Variants in KLHL14 observed in about 807,000 individuals in gnomAD.
KLHL14 encodes kelch like family member 14.
Under a neutral mutation model 64.3 loss-of-function variants are expected in KLHL14, and 22 were observed. The ratio of observed to expected loss-of-function variants is 0.34; its 90% CI spans 0.24 to 0.49. The LOEUF (loss-of-function observed/expected upper bound fraction) is 0.49, where lower values mean the gene tolerates loss of function less well. Among genes scored for constraint, KLHL14 ranks in the 20% least tolerant of loss-of-function variants. The pLI is 0.99. For synonymous variants in KLHL14, 322 were observed against 333.4 expected, an observed-to-expected ratio of 0.97 and a Z score of 0.37; for missense variants, 661 against 789.0, an observed-to-expected ratio of 0.84 and a Z score of 1.94.
chr18:32,677,215 A>C lies in KLHL14; in HGVS notation c.1704T>G (p.Leu568=), dbSNP rs764195137. The part of the protein sequence containing the change: ...EGRSGPGCAV[L]DDSIYLVGGY... ...CTCCCACAAGGTAAATGCTGTCATC[A>C]AGCACTGCACAGCCAGGGCCACTTC... Residue 568 remains leucine (L), a synonymous_variant, in exon 8 of 9, where the codon CTT becomes CTG. Coordinates refer to ENST00000359358, the MANE Select transcript of KLHL14 (RefSeq NM_020805.3). 2 of 1,613,552 alleles carry C rather than the reference A, an allele frequency of 1.2e-6. No individual in the cohort carries two copies.
At chr18:32,760,486 G>T (rs1483688138) in intron 2 of KLHL14, among the ~76,000 whole-genome samples, 1 of 151,862 alleles carries the variant, frequency 6.6e-6, no homozygotes, top group Non-Finnish European at 1.5e-5. Flanking sequence ...CATTTCACTG[G>T]CCTCGCCTGT....
chr18:32,751,954 C>T (rs976113243), intron 2 of KLHL14, among the ~76,000 whole-genome samples: 51 of 152,216 alleles, frequency 3.4e-4, no homozygotes, highest in African/African-American at 1.1e-3. Flanking sequence ...TGGTGAAACC[C>T]CATCTCTACT....
chr18:32,769,967 G>C lies in KLHL14; in HGVS notation c.625C>G (p.Leu209Val), dbSNP rs765436121. 10 of 1,614,230 alleles carry C rather than the reference G, an allele frequency of 6.2e-6. No homozygotes were observed. Among genetic ancestry groups the C allele is most frequent in the South Asian group, 1.1e-5 (1 of 91,080 alleles). Residue 209 changes from leucine (L) to valine (V), a missense_variant, in exon 2 of 9, where the codon CTG becomes GTG. Physicochemically the swap from Leu to Val is conservative, Grantham distance 32. Coordinates refer to ENST00000359358, the MANE Select transcript of KLHL14 (RefSeq NM_020805.3). ...EETKKLANKYLVEDVLLLNFE... is the reference protein window; with the variant it reads ...EETKKLANKYVVEDVLLLNFE... ...TTGAGCAGCAGCACATCCTCCACCA[G>C]GTACTTGTTGGCCAGCTTCTTGGTC...
In KLHL14 at chr18:32,770,133, C is replaced by G. The variant is rs763320638; in HGVS notation, c.459G>C (p.Thr153=). 3 of 1,614,184 alleles carry G rather than the reference C, an allele frequency of 1.9e-6. No individual in the cohort carries two copies. Among genetic ancestry groups the G allele is most frequent in the Non-Finnish European group, 2.5e-6 (3 of 1,180,038 alleles). ...TGCTGACCGACAGCACCTCCTCCAC[C>G]GTGTCCAGGGACAGGGTCACGTTGG... The part of the protein sequence containing the change: ...YTANVTLSLD[T]VEEVLSVSKI... Residue 153 remains threonine (T), a synonymous_variant, in exon 2 of 9, where the codon ACG becomes ACC. Transcript: ENST00000359358. The surrounding 1 kb of genome is among the most constrained non-coding windows in gnomAD (Gnocchi z 6.7).
intron 3 of KLHL14, among the ~76,000 whole-genome samples, chr18:32,713,144 T>C (rs2050028585): frequency 6.6e-6 from 1 of 152,236 alleles, no homozygotes; most frequent in East Asian, 1.9e-4. Flanking sequence ...GTTGAATAGT[T>C]GGAGCAGAGA....
chr18:32,695,615 C>T, intron 3 of KLHL14, 63 bp from the exon 4 acceptor site: 1 of 1,003,420 alleles, frequency 1.0e-6, no homozygotes, highest in Non-Finnish European at 1.5e-6. Flanking sequence ...GCTACCTTGG[C>T]TCACTGGCTA....
chr18:32,677,087 T>C (rs528556310), intron 8 of KLHL14, 86 bp downstream of exon 8: 3 of 1,356,996 alleles, frequency 2.2e-6, no homozygotes, highest in East Asian at 4.6e-5. Context: ...AAAAGGTACA[T>C]GTGTGGAGGA....
chr18:32,735,396 G>A lies in KLHL14; in HGVS notation c.1069+6532C>T, dbSNP rs79499441. Among the ~76,000 whole-genome samples the A allele has an allele frequency of 3.2e-3, 484 of 152,156 alleles. 26 individuals are homozygous for A. In the East Asian group the frequency reaches 0.079, roughly 25 times the overall value. On this transcript the variant is annotated intron_variant, in intron 3 of 8. Transcript: ENST00000359358. Reference sequence around the variant, plus strand: ...AAGTAAAAGCCAAAATGAAAAAATTGTGAGCCTGCCATTGAAGTTCCTGTA... The same window carrying A: ...AAGTAAAAGCCAAAATGAAAAAATTATGAGCCTGCCATTGAAGTTCCTGTA...
chr18:32,739,796 C>A (rs1243607510), intron 3 of KLHL14, among the ~76,000 whole-genome samples: 1 of 152,066 alleles, frequency 6.6e-6, no homozygotes, highest in East Asian at 1.9e-4. Flanking sequence ...ATGCTCCCTA[C>A]TCTCGGGCAG....
chr18:32,756,476 C>T (rs559698540), intron 2 of KLHL14, among the ~76,000 whole-genome samples: 43 of 151,992 alleles, frequency 2.8e-4, no homozygotes, highest in Non-Finnish European at 2.9e-5. Flanking sequence ...GAGATTATTC[C>T]TTCTCTTAAT....
chr18:32,741,914 A>G lies in KLHL14; in HGVS notation c.1069+14T>C, dbSNP rs1349869705. The G allele has an allele frequency of 7.7e-6, 12 of 1,560,744 alleles. No individual in the cohort carries two copies. Among genetic ancestry groups the G allele is most frequent in the Non-Finnish European group, 1.0e-5 (12 of 1,159,320 alleles). On this transcript the variant is annotated intron_variant, in intron 3 of 8. Coordinates refer to ENST00000359358, the MANE Select transcript of KLHL14 (RefSeq NM_020805.3). The stretch of plus-strand genomic sequence containing the variant: ...AAATAGGTGAGTGAATAAATAAATA[A>G]ATAATGCACTCACTTGTGAGTATTT...
intron 8 of KLHL14, among the ~76,000 whole-genome samples, chr18:32,676,450 T>A (rs193028394): frequency 8.3e-4 from 127 of 152,328 alleles, no homozygotes; most frequent in Non-Finnish European, 1.5e-3. Flanking sequence ...ACATCTTTTT[T>A]AAAAGTCAAT....
intron 4 of KLHL14, among the ~76,000 whole-genome samples, chr18:32,690,255 C>G (rs1424773401): frequency 6.6e-6 from 1 of 152,118 alleles, no homozygotes; most frequent in Non-Finnish European, 1.5e-5. Flanking sequence ...CATAAAGAGG[C>G]AGCAAACGGT....
chr18:32,720,112 GAC>G (rs1754699516), intron 3 of KLHL14, among the ~76,000 whole-genome samples: 1 of 152,190 alleles, frequency 6.6e-6, no homozygotes, highest in African/African-American at 2.4e-5. Flanking sequence ...GTGTCAGCAG[GAC>G]ATTTTAGAGG....
chr18:32,767,067 C>T (rs2050349871), intron 2 of KLHL14, among the ~76,000 whole-genome samples: 1 of 152,134 alleles, frequency 6.6e-6, no homozygotes, highest in Admixed American at 6.5e-5. Flanking sequence ...TTAAAAACTA[C>T]AGGTGGATAA....
intron 3 of KLHL14, among the ~76,000 whole-genome samples, chr18:32,735,046 A>C (rs1476567843): frequency 1.3e-5 from 2 of 152,238 alleles, no homozygotes; most frequent in Non-Finnish European, 2.9e-5. Flanking sequence ...AATTTAGTCC[A>C]TAAACCAAGA....
intron 2 of KLHL14, among the ~76,000 whole-genome samples, chr18:32,757,217 G>A (rs571968229): frequency 6.6e-6 from 1 of 152,322 alleles, no homozygotes; most frequent in Non-Finnish European, 1.5e-5. Context: ...AAGCGACAAT[G>A]AAGTAACAGT....
chr18:32,748,147 G>A (rs1364806502), intron 2 of KLHL14, among the ~76,000 whole-genome samples: 1 of 152,114 alleles, frequency 6.6e-6, no homozygotes, highest in African/African-American at 2.4e-5. Flanking sequence ...TCTTAGCTAA[G>A]GTGAGATGCC....
chr18:32,731,204 A>G (rs986250431), intron 3 of KLHL14, among the ~76,000 whole-genome samples: 1 of 152,250 alleles, frequency 6.6e-6, no homozygotes, highest in Non-Finnish European at 1.5e-5. Context: ...CCATAGAGTC[A>G]TCTCATGGAT....
Sources: gnomAD v4.1 joint callset for allele counts (sites outside exome capture counted in the v4.1 genomes callset) on GRCh38, gnomAD v4.1.1 for gene constraint, Gnocchi (gnomAD v3.1) non-coding constraint, MANE v1.5 for transcripts, NCBI Gene and HGNC (gene_info 2026-07-23, HGNC 2026-07-21) for gene names.